AUH: variants seen among roughly 807,000 people sequenced by gnomAD.
AUH encodes AU RNA binding methylglutaconyl-CoA hydratase, also known as methylglutaconyl-CoA hydratase, mitochondrial.
In AUH, 29 loss-of-function variants were observed where a neutral mutation model predicts 42.3. That is an observed-to-expected ratio of 0.69 (90% CI 0.51 to 0.93). The LOEUF (loss-of-function observed/expected upper bound fraction) is 0.93, where lower values mean the gene tolerates loss of function less well. Among genes scored for constraint, AUH ranks in the 40% least tolerant of loss-of-function variants. The pLI, the probability that AUH is intolerant of heterozygous loss-of-function variation, is 0.00. For synonymous variants in AUH, 174 were observed against 166.4 expected, an observed-to-expected ratio of 1.05 and a Z score of -0.35; for missense variants, 452 against 438.1, an observed-to-expected ratio of 1.03 and a Z score of -0.28.
intron 6 of AUH, among the ~76,000 whole-genome samples, chr9:91,247,882 G>C (rs188522247): frequency 5.5e-4 from 84 of 152,226 alleles, no homozygotes; most frequent in Non-Finnish European, 9.4e-4. Flanking sequence ...TTACTATTGA[G>C]TTTAGAGAAT....
At chr9:91,272,293 T>C (rs1001134293) in intron 6 of AUH, among the ~76,000 whole-genome samples, 2 of 152,198 alleles carry the variant, frequency 1.3e-5, no homozygotes, top group South Asian at 2.1e-4. Flanking sequence ...CCCACAATAA[T>C]TGCCTATTTA....
chr9:91,217,368 A>C, intron 7 of AUH, 41 bp from the exon 8 acceptor site: 1 of 1,577,540 alleles, frequency 6.3e-7, no homozygotes, highest in Non-Finnish European at 8.7e-7. Flanking sequence ...ATTATTTTTT[A>C]TGCAAATTAT....
Position 91,359,688 on chromosome 9 carries a change from C to A in AUH, c.262+1940G>T, listed in dbSNP as rs143854835. ...ACCTGGTGTATTCTGCACTACTTAC[C>A]CCCACCCACCTAAAGTGCTGCATGC... On this transcript the variant is annotated intron_variant, in intron 1 of 9. Coordinates refer to ENST00000375731, the MANE Select transcript of AUH (RefSeq NM_001698.3). Among the ~76,000 whole-genome samples, 28 of 152,188 alleles carry A rather than the reference C, an allele frequency of 1.8e-4. No individual in the cohort carries two copies. In the East Asian group the frequency reaches 5.0e-3, roughly 27 times the overall value.
intron 4 of AUH, among the ~76,000 whole-genome samples, chr9:91,299,351 ACT>A (rs1345463366): frequency 6.6e-6 from 1 of 152,178 alleles, no homozygotes. Flanking sequence ...GCTGAAGTAC[ACT>A]GAGTTTTATT....
chr9:91,318,921 CTT>C (rs753107629), intron 4 of AUH, among the ~76,000 whole-genome samples: 3 of 152,182 alleles, frequency 2.0e-5, no homozygotes, highest in Non-Finnish European at 4.4e-5. Flanking sequence ...ATACCTCACT[CTT>C]GTTATTTTGG....
chr9:91,233,836 G>C (rs10820842), intron 6 of AUH, among the ~76,000 whole-genome samples: 14,254 of 152,154 alleles, frequency 0.094, 754 homozygotes, highest in East Asian at 0.22. Flanking sequence ...AGAGTGTTTT[G>C]TGATGGTTTT....
At chr9:91,317,473 T>C (rs557592252) in intron 4 of AUH, among the ~76,000 whole-genome samples, 16 of 152,344 alleles carry the variant, frequency 1.1e-4, no homozygotes, top group Middle Eastern at 3.4e-3. Context: ...TTGTCTGTTG[T>C]TGGTATAAAG....
At chr9:91,285,038 T>C (rs1463823630) in intron 6 of AUH, among the ~76,000 whole-genome samples, 2 of 152,110 alleles carry the variant, frequency 1.3e-5, no homozygotes, top group African/African-American at 2.4e-5. Flanking sequence ...CTATTCACAA[T>C]AGCAAAGACT....
intron 4 of AUH, among the ~76,000 whole-genome samples, chr9:91,308,132 A>G (rs996488805): frequency 6.6e-6 from 1 of 152,236 alleles, no homozygotes. Flanking sequence ...CAAAATCAGA[A>G]GACAAAGAAA....
chr9:91,284,286 T>G (rs1014136165), intron 6 of AUH, among the ~76,000 whole-genome samples: 2 of 152,130 alleles, frequency 1.3e-5, no homozygotes, highest in African/African-American at 4.8e-5. Flanking sequence ...CTGGATCCCT[T>G]CCTTATAACT....
At chr9:91,347,008 C>T (rs1437454940) in intron 3 of AUH, among the ~76,000 whole-genome samples, 1 of 151,974 alleles carries the variant, frequency 6.6e-6, no homozygotes, top group Non-Finnish European at 1.5e-5. Flanking sequence ...TCAATGTGTT[C>T]ACCAACCTAG....
In AUH at chr9:91,356,099, G is replaced by C; in HGVS notation, c.319C>G (p.Leu107Val). ...ATCTTTACACTCACCATTTTTATAA[G>C]ATTTTTACTGAGTGAATTTTTGCCA... ...AYGKNSLSKN[L>V]IKMLSKAVDA... Residue 107 changes from leucine (L) to valine (V), a missense_variant, in exon 2 of 10, where the codon CTT becomes GTT. Physicochemically the swap from Leu to Val is conservative, Grantham distance 32. Transcript: ENST00000375731. 1 of 1,613,002 alleles carries C rather than the reference G, an allele frequency of 6.2e-7. No homozygotes were observed. The highest frequency in any genetic ancestry group is 8.5e-7 in the Non-Finnish European group (1 of 1,179,346).
chr9:91,266,975 G>A (rs952469460), intron 6 of AUH, among the ~76,000 whole-genome samples: 2 of 152,182 alleles, frequency 1.3e-5, no homozygotes, highest in African/African-American at 2.4e-5. Flanking sequence ...ATTTTGGTGA[G>A]AAGTCTGAGA....
chr9:91,269,169 T>C (rs984468841), intron 6 of AUH, among the ~76,000 whole-genome samples: 1 of 152,064 alleles, frequency 6.6e-6, no homozygotes, highest in Non-Finnish European at 1.5e-5. Flanking sequence ...TTAGTAGAGA[T>C]GGGGTTTCAC....
chr9:91,282,068 A>G (rs1246328170), intron 6 of AUH, among the ~76,000 whole-genome samples: 1 of 151,944 alleles, frequency 6.6e-6, no homozygotes, highest in African/African-American at 2.4e-5. Context: ...TGACTCCCCT[A>G]TTGCTTCTCT....
At chr9:91,224,087 G>A (rs983787972) in intron 6 of AUH, among the ~76,000 whole-genome samples, 5 of 152,230 alleles carry the variant, frequency 3.3e-5, no homozygotes, top group South Asian at 2.1e-4. Context: ...AGCAGCAGCC[G>A]ATTAAAGCCT....
intron 5 of AUH, among the ~76,000 whole-genome samples, 155 bp downstream of exon 5, chr9:91,297,829 G>C (rs979072421): frequency 6.6e-6 from 1 of 152,092 alleles, no homozygotes; most frequent in African/African-American, 2.4e-5. Flanking sequence ...CTTTTTTCAG[G>C]TGGGAATTTC....
chr9:91,286,719 C>CT (rs1387490992), intron 6 of AUH, among the ~76,000 whole-genome samples: 4 of 137,252 alleles, frequency 2.9e-5, no homozygotes, highest in Middle Eastern at 3.6e-3. Flanking sequence ...CCTGAATTCT[C>CT]TAAAAAAAAA....
At chr9:91,323,948 T>A (rs1829783046) in intron 4 of AUH, among the ~76,000 whole-genome samples, 1 of 152,048 alleles carries the variant, frequency 6.6e-6, no homozygotes, top group African/African-American at 2.4e-5. Flanking sequence ...CTTAAAAAAA[T>A]AATTCTAAAT....
Sources: gnomAD v4.1 joint callset for allele counts (sites outside exome capture counted in the v4.1 genomes callset) on GRCh38, gnomAD v4.1.1 for gene constraint, MANE v1.5 for transcripts, NCBI Gene and HGNC (gene_info 2026-07-23, HGNC 2026-07-21) for gene names.